The following RGL1 variants were observed in gnomAD, a reference collection of about 807,000 sequenced individuals.
The protein encoded by RGL1 is ral guanine nucleotide dissociation stimulator like 1.
A neutral mutation model predicts 95.2 loss-of-function variants in RGL1; 24 were observed. The observed-to-expected ratio is 0.25, with a 90% CI of 0.18 to 0.35. The LOEUF (loss-of-function observed/expected upper bound fraction) is 0.35. Among genes scored for constraint, RGL1 ranks in the 10% least tolerant of loss-of-function variants. The pLI, the probability that RGL1 is intolerant of heterozygous loss-of-function variation, is 1.00. For synonymous variants in RGL1, 329 were observed against 344.9 expected (o/e 0.95, Z 0.51); for missense variants, 715 against 936.3 (o/e 0.76, Z 3.08).
chr1:183,807,285 G>A (rs4462100), intron 2 of RGL1, among the ~76,000 whole-genome samples: 86,123 of 152,016 alleles, frequency 0.57, 24,603 homozygotes, highest in African/African-American at 0.63. Flanking sequence ...CAGACCAGGC[G>A]GTGAGAGGCG....
intron 1 of RGL1, among the ~76,000 whole-genome samples, chr1:183,643,527 G>A (rs932871994): frequency 1.3e-5 from 2 of 152,030 alleles, no homozygotes; most frequent in Non-Finnish European, 2.9e-5. Context: ...TCCTGACCTC[G>A]TGATCCGCCT....
chr1:183,874,277 A>C (rs1357758889), intron 4 of RGL1, among the ~76,000 whole-genome samples: 1 of 152,222 alleles, frequency 6.6e-6, no homozygotes, highest in African/African-American at 2.4e-5. Flanking sequence ...GATTTAACCG[A>C]GGCCTTAACC....
At chr1:183,848,477 G>A (rs1310088446) in intron 3 of RGL1, among the ~76,000 whole-genome samples, 1 of 152,156 alleles carries the variant, frequency 6.6e-6, no homozygotes, top group Non-Finnish European at 1.5e-5. Context: ...TTTAGAATCA[G>A]GAGAATCCTC....
chr1:183,680,315 GC>G (rs780436154), intron 1 of RGL1, among the ~76,000 whole-genome samples: 1 of 152,084 alleles, frequency 6.6e-6, no homozygotes, highest in Non-Finnish European at 1.5e-5. Flanking sequence ...GAATGGTATT[GC>G]CTAGGTTTTC....
chr1:183,643,544 G>C (rs1010391393), intron 1 of RGL1, among the ~76,000 whole-genome samples: 3 of 152,070 alleles, frequency 2.0e-5, no homozygotes, highest in Non-Finnish European at 4.4e-5. Context: ...GCCTACCTCG[G>C]CCTCCCAAAG....
In RGL1 at chr1:183,868,220, T is replaced by G. The variant is rs183493221; in HGVS notation, c.425+2147T>G. Among the ~76,000 whole-genome samples the G allele has an allele frequency of 1.7e-3, 258 of 152,308 alleles. 2 individuals carry two copies. The highest frequency in any genetic ancestry group is 4.4e-4 in the Non-Finnish European group (30 of 68,020). Reference sequence around the variant, plus strand: ...GGGAACAACACAGAATTGGTGTGGCTGCTTCATAGAGTACATGTTAGGTGA... The same window carrying G: ...GGGAACAACACAGAATTGGTGTGGCGGCTTCATAGAGTACATGTTAGGTGA... On this transcript the variant is annotated intron_variant, in intron 4 of 17. Coordinates refer to ENST00000360851, the MANE Select transcript of RGL1 (RefSeq NM_001297671.3).
chr1:183,769,779 T>C (rs1359359704), intron 2 of RGL1, among the ~76,000 whole-genome samples: 1 of 152,228 alleles, frequency 6.6e-6, no homozygotes, highest in Non-Finnish European at 1.5e-5. Context: ...GGCAGTTTGA[T>C]TTTTAAAGGC....
intron 16 of RGL1, among the ~76,000 whole-genome samples, chr1:183,917,817 A>C (rs1669068711): frequency 6.6e-6 from 1 of 152,214 alleles, no homozygotes; most frequent in Non-Finnish European, 1.5e-5. Context: ...TCCCGCAGGC[A>C]ATAGGGTCTT....
intron 2 of RGL1, among the ~76,000 whole-genome samples, chr1:183,794,202 T>C (rs1327826908): frequency 6.6e-6 from 1 of 152,044 alleles, no homozygotes; most frequent in African/African-American, 2.4e-5. Context: ...AAGACAAATA[T>C]TGCATGTTCT....
At chr1:183,699,935 A>G (rs1362859904) in intron 1 of RGL1, among the ~76,000 whole-genome samples, 1 of 151,686 alleles carries the variant, frequency 6.6e-6, no homozygotes, top group Non-Finnish European at 1.5e-5. Flanking sequence ...CTACCTCACA[A>G]TTTTCTGATG....
At chr1:183,879,790 T>G (rs1229422470) in intron 4 of RGL1, among the ~76,000 whole-genome samples, 4 of 152,238 alleles carry the variant, frequency 2.6e-5, no homozygotes, top group Admixed American at 1.3e-4. Context: ...CCTTCAGCTA[T>G]TTGTCTCTAG....
intron 2 of RGL1, among the ~76,000 whole-genome samples, chr1:183,827,860 T>C (rs761122006): frequency 6.0e-4 from 91 of 152,356 alleles, no homozygotes; most frequent in Non-Finnish European, 1.1e-3. Context: ...GTCCCCACTT[T>C]AATTAGAATG....
chr1:183,872,830 C>G (rs1180327509), intron 4 of RGL1, among the ~76,000 whole-genome samples: 1 of 151,808 alleles, frequency 6.6e-6, no homozygotes, highest in Non-Finnish European at 1.5e-5. Flanking sequence ...GTGATTATAA[C>G]AAAAATGGGG....
intron 2 of RGL1, among the ~76,000 whole-genome samples, chr1:183,744,701 T>C (rs1395708096): frequency 1.3e-5 from 2 of 152,222 alleles, no homozygotes; most frequent in African/African-American, 4.8e-5. Flanking sequence ...GCTTGTTTTT[T>C]TGTTTCTATT....
At chr1:183,846,430 G>A (rs1365883877) in intron 2 of RGL1, among the ~76,000 whole-genome samples, 3 of 151,998 alleles carry the variant, frequency 2.0e-5, no homozygotes, top group East Asian at 3.9e-4. Flanking sequence ...ATAGCCTTAG[G>A]AGAAATACCT....
Position 183,880,644 on chromosome 1 carries a change from C to T in RGL1, c.454C>T (p.Leu152Phe). 1.9e-6 allele frequency: 3 copies of T among 1,613,894 alleles called. No individual in the cohort carries two copies. The highest frequency in any genetic ancestry group is 2.5e-6 in the Non-Finnish European group (3 of 1,179,832). ...NAIASILRAWLDQCAEDFREP... is the reference protein window; with the variant it reads ...NAIASILRAWFDQCAEDFREP... The stretch of plus-strand genomic sequence containing the variant: ...AATCGCTTCCATACTAAGGGCCTGG[C>T]TTGACCAGTGTGCAGAAGACTTCCG... Residue 152 changes from leucine to phenylalanine, a missense_variant, in exon 5 of 18, where the codon CTT becomes TTT. Leu to Phe is a conservative substitution (Grantham distance 22). Coordinates refer to ENST00000360851, the MANE Select transcript of RGL1 (RefSeq NM_001297671.3).
At chr1:183,663,140 A>G (rs867545026) in intron 1 of RGL1, among the ~76,000 whole-genome samples, 1,968 of 151,938 alleles carry the variant, frequency 0.013, 52 homozygotes, top group African/African-American at 0.046. Flanking sequence ...ACCATTCAGG[A>G]CATAGGCATG....
At chr1:183,812,026 T>C (rs1661750067) in intron 2 of RGL1, among the ~76,000 whole-genome samples, 1 of 152,200 alleles carries the variant, frequency 6.6e-6, no homozygotes, top group African/African-American at 2.4e-5. Flanking sequence ...CACTGCCCAA[T>C]TCCACTCCCT....
Position 183,901,555 on chromosome 1 carries a change from G to A in RGL1, c.1318-1013G>A, listed in dbSNP as rs577222655. On this transcript the variant is annotated intron_variant, in intron 11 of 17. Transcript: ENST00000360851. Reference sequence around the variant, plus strand: ...CCCACAAGACTTTAATGTTGAGTAGGACTACTTGGTGGGGTAGAGAGTCAG... The same window carrying A: ...CCCACAAGACTTTAATGTTGAGTAGAACTACTTGGTGGGGTAGAGAGTCAG... 8.7e-4 allele frequency among the ~76,000 whole-genome samples: 133 copies of A among 152,228 alleles called. 1 individual carries two copies. The highest frequency in any genetic ancestry group is 2.9e-3 in the Admixed American group (45 of 15,292).
Sources: allele counts gnomAD v4.1 joint callset (sites outside exome capture counted in the v4.1 genomes callset), GRCh38; gene constraint gnomAD v4.1.1; transcripts MANE v1.5; gene names NCBI Gene and HGNC (gene_info 2026-07-23, HGNC 2026-07-21).